Variants in CTNNA3 observed in about 807,000 individuals in gnomAD.
The protein encoded by CTNNA3 is catenin alpha-3.
A neutral mutation model predicts 95.7 loss-of-function variants in CTNNA3; 76 were observed. The observed-to-expected ratio is 0.79, with a 90% CI of 0.66 to 0.96. CTNNA3 has a LOEUF of 0.96. Among genes scored for constraint, CTNNA3 ranks in the 40% least tolerant of loss-of-function variants. The pLI is 0.00. For missense variants in CTNNA3, 1,191 were observed against 1,089.8 expected (o/e 1.09, Z -1.31); for synonymous variants, 431 against 374.4 (o/e 1.15, Z -1.74).
chr10:66,670,433 G>A (rs962354750), intron 9 of CTNNA3, among the ~76,000 whole-genome samples: 1 of 152,038 alleles, frequency 6.6e-6, no homozygotes, highest in African/African-American at 2.4e-5. Flanking sequence ...TCTTCTCCAG[G>A]GATGGTTCTT....
In CTNNA3 at chr10:66,667,544, AT is replaced by A. The variant is rs999408784; in HGVS notation, c.1282-45761del. 1.3e-4 allele frequency among the ~76,000 whole-genome samples: 20 copies of A among 151,276 alleles called. 1 individual carries two copies. The highest frequency in any genetic ancestry group is 3.2e-4 in the African/African-American group (13 of 41,190). On this transcript the variant is annotated intron_variant, in intron 9 of 17. Coordinates refer to ENST00000433211, the MANE Select transcript of CTNNA3 (RefSeq NM_013266.4). ...CCTTACATAAAATCCATAGTTTTCT[AT>A]TTTTTTTTATTTGTACACTCTGAGA...
At chr10:66,197,154 T>C (rs2087011235) in intron 13 of CTNNA3, among the ~76,000 whole-genome samples, 1 of 152,160 alleles carries the variant, frequency 6.6e-6, no homozygotes, top group South Asian at 2.1e-4. Flanking sequence ...AATAATCACC[T>C]ACAAACTGGA....
chr10:66,176,019 A>G (rs2085689400), intron 13 of CTNNA3, among the ~76,000 whole-genome samples: 1 of 152,178 alleles, frequency 6.6e-6, no homozygotes, highest in South Asian at 2.1e-4. Flanking sequence ...GATTAATCAT[A>G]AAATGTGAAC....
At chr10:66,053,827 T>C (rs1353736773) in intron 15 of CTNNA3, among the ~76,000 whole-genome samples, 1 of 152,112 alleles carries the variant, frequency 6.6e-6, no homozygotes, top group Non-Finnish European at 1.5e-5. Context: ...TTTACTATAG[T>C]TTCCCTATTG....
intron 14 of CTNNA3, among the ~76,000 whole-genome samples, chr10:66,075,502 T>A (rs1043434376): frequency 6.6e-6 from 1 of 151,750 alleles, no homozygotes; most frequent in Non-Finnish European, 1.5e-5. Flanking sequence ...CATATATAAA[T>A]AATGTATATA....
chr10:66,001,320 C>A (rs1387527258), intron 15 of CTNNA3, among the ~76,000 whole-genome samples: 3 of 152,086 alleles, frequency 2.0e-5, no homozygotes, highest in Admixed American at 6.6e-5. Flanking sequence ...CTCAGCCATT[C>A]CATGTGCCAT....
chr10:67,533,693 T>C (rs571512393), intron 4 of CTNNA3, among the ~76,000 whole-genome samples: 16 of 152,324 alleles, frequency 1.1e-4, no homozygotes, highest in African/African-American at 3.8e-4. Context: ...GGTTGCTCAG[T>C]GACCCATGTT....
intron 7 of CTNNA3, among the ~76,000 whole-genome samples, chr10:67,089,794 A>T (rs1260076178): frequency 6.7e-6 from 1 of 150,332 alleles, no homozygotes; most frequent in African/African-American, 2.4e-5. Context: ...TAGGCCCCCC[A>T]TCCATTGCCT....
At chr10:66,702,467 C>T (rs1847976912) in intron 9 of CTNNA3, among the ~76,000 whole-genome samples, 1 of 151,904 alleles carries the variant, frequency 6.6e-6, no homozygotes, top group Non-Finnish European at 1.5e-5. Context: ...GGATTACAGG[C>T]ATGAGCATGG....
At chr10:67,446,617 C>G (rs985964923) in intron 5 of CTNNA3, among the ~76,000 whole-genome samples, 4 of 152,162 alleles carry the variant, frequency 2.6e-5, no homozygotes, top group Non-Finnish European at 4.4e-5. Flanking sequence ...ACTTTCTTCT[C>G]GCTTTGAAAT....
intron 7 of CTNNA3, among the ~76,000 whole-genome samples, chr10:67,021,139 C>G (rs137954710): frequency 1.7e-4 from 26 of 152,146 alleles, no homozygotes; most frequent in Admixed American, 1.5e-3. Context: ...AAGAGGAAGG[C>G]CAGTCAGGCT....
At position 67,342,701 on chromosome 10, in the gene CTNNA3, T is replaced by C. The variant is rs557911739; in HGVS notation, c.580-122831A>G. ...AGCATTTATTGAAGAGACTGTCTTTTTTCGCCAATGTATGTTCTTGGCACC... is the reference window on the plus strand; with the variant it reads ...AGCATTTATTGAAGAGACTGTCTTTCTTCGCCAATGTATGTTCTTGGCACC... On this transcript the variant is annotated intron_variant, in intron 5 of 17. Transcript: ENST00000433211. 1.2e-3 allele frequency among the ~76,000 whole-genome samples: 181 copies of C among 152,310 alleles called. 1 individual carries two copies. The highest frequency in any genetic ancestry group is 4.2e-3 in the African/African-American group (176 of 41,574).
chr10:66,136,194 G>T (rs565266884), intron 13 of CTNNA3, among the ~76,000 whole-genome samples: 2 of 152,126 alleles, frequency 1.3e-5, no homozygotes, highest in African/African-American at 2.4e-5. Flanking sequence ...GAGCCACCGC[G>T]CCAGGCCACG....
intron 14 of CTNNA3, among the ~76,000 whole-genome samples, chr10:66,073,613 T>C (rs531922740): frequency 6.6e-6 from 1 of 152,256 alleles, no homozygotes; most frequent in Admixed American, 6.5e-5. Flanking sequence ...TTTAGCCTAT[T>C]CTGTCAGTTG....
intron 13 of CTNNA3, among the ~76,000 whole-genome samples, chr10:66,139,215 C>A (rs574540904): frequency 6.6e-6 from 1 of 152,174 alleles, no homozygotes; most frequent in Non-Finnish European, 1.5e-5. Flanking sequence ...ACTATATTTT[C>A]CCCTTTCTTA....
At chr10:66,855,310 G>C (rs747617986) in intron 7 of CTNNA3, among the ~76,000 whole-genome samples, 8 of 151,944 alleles carry the variant, frequency 5.3e-5, no homozygotes, top group Non-Finnish European at 1.2e-4. Flanking sequence ...TCTATCCGTG[G>C]AGCCTGGGCA....
chr10:66,367,863 A>G (rs1185583077), intron 12 of CTNNA3, among the ~76,000 whole-genome samples: 3 of 33,140 alleles, frequency 9.1e-5, no homozygotes, highest in African/African-American at 3.6e-4. Context: ...AATAATAATA[A>G]TAATAATAAT....
intron 7 of CTNNA3, among the ~76,000 whole-genome samples, chr10:66,955,706 T>C (rs1229114380): frequency 1.3e-5 from 2 of 152,170 alleles, no homozygotes; most frequent in Non-Finnish European, 2.9e-5. Flanking sequence ...TGTCACAAAC[T>C]GGAGATCAGC....
chr10:66,000,086 T>C (rs2078741013), intron 15 of CTNNA3, among the ~76,000 whole-genome samples: 2 of 152,136 alleles, frequency 1.3e-5, no homozygotes, highest in Admixed American at 6.5e-5. Context: ...AAGTAAAATG[T>C]AATAAAGATA....
Sources: allele counts gnomAD v4.1 joint callset (sites outside exome capture counted in the v4.1 genomes callset), GRCh38; gene constraint gnomAD v4.1.1; transcripts MANE v1.5; gene names NCBI Gene and HGNC (gene_info 2026-07-23, HGNC 2026-07-21).